FOXN1: variants seen among roughly 807,000 people sequenced by gnomAD.
The protein encoded by FOXN1 is forkhead box protein N1.
FOXN1 carries 15 observed loss-of-function variants against 49.0 expected under a neutral mutation model. The observed-to-expected ratio is 0.31, with a 90% CI of 0.20 to 0.47. FOXN1 has a LOEUF of 0.47. FOXN1 is among the 20% of genes least tolerant of loss of function. The pLI is 1.00. For missense variants in FOXN1, 800 were observed against 842.8 expected, an observed-to-expected ratio of 0.95 and a Z score of 0.63; for synonymous variants, 356 against 369.0, an observed-to-expected ratio of 0.96 and a Z score of 0.40.
chr17:28,532,734 C>A (rs2069942430), intron 6 of FOXN1, among the ~76,000 whole-genome samples: 1 of 152,222 alleles, frequency 6.6e-6, no homozygotes, highest in African/African-American at 2.4e-5. Context: ...TCCCATAGCC[C>A]CATGAGTCAG....
At chr17:28,517,944 T>G (rs1177442911) in intron 1 of FOXN1, among the ~76,000 whole-genome samples, 1 of 99,584 alleles carries the variant, frequency 1.0e-5, no homozygotes, top group South Asian at 3.7e-4. Context: ...CAGACCTCCA[T>G]AGGGTACACA....
At chr17:28,520,261 A>C (rs959563767) in intron 1 of FOXN1, among the ~76,000 whole-genome samples, 15 of 152,326 alleles carry the variant, frequency 9.8e-5, no homozygotes, top group African/African-American at 3.1e-4. Flanking sequence ...AGGTTCCTGC[A>C]GTGAGCCCTT....
At chr17:28,512,052 C>T (rs557489461) in intron 1 of FOXN1, among the ~76,000 whole-genome samples, 119 of 152,288 alleles carry the variant, frequency 7.8e-4, no homozygotes, top group Middle Eastern at 3.4e-3. Flanking sequence ...TTCCGGGCCA[C>T]AGGGACCCAG....
intron 1 of FOXN1, among the ~76,000 whole-genome samples, chr17:28,514,497 C>T (rs1304195111): frequency 6.6e-6 from 1 of 152,062 alleles, no homozygotes; most frequent in Non-Finnish European, 1.5e-5. Context: ...ATTCCCAGAC[C>T]CCGAGTTTCC....
intron 1 of FOXN1, among the ~76,000 whole-genome samples, chr17:28,508,433 C>T (rs1292389054): frequency 1.3e-5 from 2 of 152,210 alleles, no homozygotes; most frequent in African/African-American, 2.4e-5. Context: ...CAGGGAAAGC[C>T]TTCCTTTCCC....
chr17:28,534,186 TG>T lies in FOXN1; in HGVS notation c.928-142del. ...CCACCAAAGGGTACCAAGCAAGGGA[TG>T]GGTGCTGAGGAGGACAACAAGCCCC... is the stretch of plus-strand genomic sequence containing the variant. On this transcript the variant is annotated intron_variant, in intron 6 of 8. Transcript: ENST00000579795. The surrounding 1 kb of genome is among the most constrained non-coding windows in gnomAD (Gnocchi z 4.1). The T allele has an allele frequency of 8.8e-7, 1 of 1,132,890 alleles. No individual in the cohort carries two copies. Among genetic ancestry groups the T allele is most frequent in the Non-Finnish European group, 1.3e-6 (1 of 771,752 alleles). The allele number at this position is 1,132,890 out of a possible 1,614,324, so 70.2% of individuals were successfully genotyped here.
chr17:28,526,808 T>G (rs193233948), intron 3 of FOXN1, among the ~76,000 whole-genome samples: 8 of 152,290 alleles, frequency 5.3e-5, no homozygotes, highest in Admixed American at 2.0e-4. Context: ...CCACTACCCA[T>G]GCTCCCCTCA....
intron 1 of FOXN1, among the ~76,000 whole-genome samples, chr17:28,521,645 G>A (rs2069644168): frequency 6.6e-6 from 1 of 152,236 alleles, no homozygotes; most frequent in East Asian, 1.9e-4. Context: ...AGGGGTGGTG[G>A]GGACTCTTGA....
chr17:28,509,901 C>T (rs924267052), intron 1 of FOXN1, among the ~76,000 whole-genome samples: 24 of 152,234 alleles, frequency 1.6e-4, no homozygotes, highest in African/African-American at 4.8e-4. Flanking sequence ...ATTAGGAGTG[C>T]GCATCCCCGG....
At chr17:28,521,595 A>G (rs539522827) in intron 1 of FOXN1, among the ~76,000 whole-genome samples, 4 of 152,334 alleles carry the variant, frequency 2.6e-5, no homozygotes, top group Admixed American at 6.5e-5. Flanking sequence ...GTCACGCCAC[A>G]TTTAGCATTG....
At chr17:28,526,422 C>T (rs1005557278) in intron 3 of FOXN1, among the ~76,000 whole-genome samples, 2 of 152,228 alleles carry the variant, frequency 1.3e-5, no homozygotes, top group Admixed American at 6.5e-5. Context: ...AAGTGCAATC[C>T]GCCTCCTCCA....
chr17:28,510,391 GAC>G (rs1293793854), intron 1 of FOXN1, among the ~76,000 whole-genome samples: 1 of 150,412 alleles, frequency 6.6e-6, no homozygotes, highest in African/African-American at 2.5e-5. Flanking sequence ...GACACACACA[GAC>G]ACACGCGCAC....
At chr17:28,514,687 C>T (rs2069460344) in intron 1 of FOXN1, among the ~76,000 whole-genome samples, 1 of 152,172 alleles carries the variant, frequency 6.6e-6, no homozygotes, top group Non-Finnish European at 1.5e-5. Context: ...CAGCCAGCAA[C>T]AGAAACCATT....
intron 6 of FOXN1, among the ~76,000 whole-genome samples, chr17:28,533,830 C>T (rs1364202200): frequency 6.6e-6 from 1 of 152,212 alleles, no homozygotes; most frequent in African/African-American, 2.4e-5. Flanking sequence ...TTTCTTTTCT[C>T]CCAAGTTAGT....
chr17:28,522,715 G>A (rs562680477), intron 1 of FOXN1, among the ~76,000 whole-genome samples: 211 of 152,204 alleles, frequency 1.4e-3, no homozygotes, highest in Admixed American at 3.1e-3. Context: ...GTACAAGCCT[G>A]TAGTCCCAGC....
At chr17:28,520,839 A>G (rs1030756159) in intron 1 of FOXN1, among the ~76,000 whole-genome samples, 1 of 152,094 alleles carries the variant, frequency 6.6e-6, no homozygotes, top group Non-Finnish European at 1.5e-5. Flanking sequence ...TCACATCTGC[A>G]GGGGAGCAGT....
intron 3 of FOXN1, among the ~76,000 whole-genome samples, chr17:28,526,936 C>T (rs2069783309): frequency 6.6e-6 from 1 of 152,120 alleles, no homozygotes; most frequent in Non-Finnish European, 1.5e-5. Context: ...AGCACCGTGC[C>T]TTTGTGCTAT....
At chr17:28,516,827 C>T (rs1269410232) in intron 1 of FOXN1, among the ~76,000 whole-genome samples, 5 of 69,176 alleles carry the variant, frequency 7.2e-5, no homozygotes, top group Non-Finnish European at 6.9e-5. Context: ...ACAGGATACA[C>T]ACCTCCACAG....
At chr17:28,524,472 C>G (rs2069715996) in intron 2 of FOXN1, 31 bp from the exon 3 acceptor site, 1 of 1,592,312 alleles carries the variant, frequency 6.3e-7, no homozygotes, top group Admixed American at 1.7e-5. Context: ...TCAGCCTCCA[C>G]TCACAGGCTC....
Sources: gnomAD v4.1 joint callset for allele counts (sites outside exome capture counted in the v4.1 genomes callset) on GRCh38, gnomAD v4.1.1 for gene constraint, Gnocchi (gnomAD v3.1) non-coding constraint, MANE v1.5 for transcripts, NCBI Gene and HGNC (gene_info 2026-07-23, HGNC 2026-07-21) for gene names.